Variants in ALK observed in about 807,000 individuals in gnomAD.
The protein encoded by ALK is ALK tyrosine kinase receptor.
Under a neutral mutation model 163.1 loss-of-function variants are expected in ALK, and 74 were observed. The observed-to-expected ratio is 0.45, with a 90% CI of 0.38 to 0.55. The LOEUF (loss-of-function observed/expected upper bound fraction) is 0.55, where lower values mean the gene tolerates loss of function less well. Ranked by LOEUF, ALK falls within the 20% of genes least tolerant of loss-of-function variation. ALK has a pLI of 0.00. For missense variants in ALK, 2,063 were observed against 2,105.3 expected, an observed-to-expected ratio of 0.98 and a Z score of 0.39; for synonymous variants, 960 against 843.2, an observed-to-expected ratio of 1.14 and a Z score of -2.40.
At chr2:29,553,519 C>A (rs1397391323) in intron 3 of ALK, among the ~76,000 whole-genome samples, 1 of 152,214 alleles carries the variant, frequency 6.6e-6, no homozygotes, top group Non-Finnish European at 1.5e-5. Context: ...CTGACATTTA[C>A]CTCCTAATAA....
At chr2:29,390,681 G>A (rs1324418447) in intron 4 of ALK, among the ~76,000 whole-genome samples, 3 of 151,866 alleles carry the variant, frequency 2.0e-5, no homozygotes. Context: ...TAGTAATTCT[G>A]TAGCAAATAT....
intron 1 of ALK, among the ~76,000 whole-genome samples, chr2:29,854,044 G>A (rs149612659): frequency 0.011 from 1,690 of 151,900 alleles, 10 homozygotes; most frequent in Middle Eastern, 0.024. Flanking sequence ...CGAGTAGCTG[G>A]GATTATGGGT....
At chr2:29,249,230 A>G (rs563888260) in intron 12 of ALK, among the ~76,000 whole-genome samples, 1 of 152,342 alleles carries the variant, frequency 6.6e-6, no homozygotes, top group Non-Finnish European at 1.5e-5. Flanking sequence ...GAGCAGGGGA[A>G]TTCTGGCCAA....
intron 1 of ALK, among the ~76,000 whole-genome samples, chr2:29,786,394 C>A (rs1664025102): frequency 6.6e-6 from 1 of 152,222 alleles, no homozygotes; most frequent in Non-Finnish European, 1.5e-5. Context: ...ATCAGGGATT[C>A]TTTTCAGAGG....
chr2:29,692,681 G>A (rs1475803824), intron 3 of ALK, among the ~76,000 whole-genome samples: 1 of 152,208 alleles, frequency 6.6e-6, no homozygotes, highest in East Asian at 1.9e-4. Context: ...CTCACCTCCA[G>A]CTATGCATCC....
intron 3 of ALK, among the ~76,000 whole-genome samples, chr2:29,618,510 C>T (rs1321012754): frequency 6.6e-6 from 1 of 151,830 alleles, no homozygotes; most frequent in Non-Finnish European, 1.5e-5. Flanking sequence ...CCTACTTGCC[C>T]TTATACTGGT....
At chr2:29,406,737 T>C (rs532108810) in intron 4 of ALK, among the ~76,000 whole-genome samples, 75 of 151,922 alleles carry the variant, frequency 4.9e-4, no homozygotes, top group African/African-American at 1.6e-3. Context: ...TCATCTCTAC[T>C]GAAAATACAA....
At chr2:29,752,713 T>C (rs1680406550) in intron 1 of ALK, among the ~76,000 whole-genome samples, 1 of 152,166 alleles carries the variant, frequency 6.6e-6, no homozygotes, top group Non-Finnish European at 1.5e-5. Context: ...CTCGAGGAGC[T>C]TCTATACCCT....
intron 3 of ALK, among the ~76,000 whole-genome samples, chr2:29,592,411 C>T (rs1007485121): frequency 1.3e-5 from 2 of 152,150 alleles, no homozygotes; most frequent in African/African-American, 2.4e-5. Flanking sequence ...CATGCTGGCT[C>T]AAGCAGGCTG....
At chr2:29,693,406 T>TACACACACACAC (rs58588313) in intron 3 of ALK, among the ~76,000 whole-genome samples, 2,097 of 145,228 alleles carry the variant, frequency 0.014, 24 homozygotes, top group Non-Finnish European at 0.022. Context: ...AGCACTCACC[T>TACACACACACAC]ACACACACAC....
In ALK at chr2:29,251,160, C is replaced by T. The variant is rs147858673; in HGVS notation, c.2149G>A (p.Glu717Lys). The T allele has an allele frequency of 1.5e-4, 236 of 1,614,100 alleles. No homozygotes were observed. Among genetic ancestry groups the T allele is most frequent in the Middle Eastern group, 3.3e-4 (2 of 6,062 alleles). The change falls in exon 12 of 29, where the codon GAG (glutamate) becomes AAG (lysine). Residue 717 changes from glutamate to lysine, a missense_variant. Physicochemically the swap from Glu to Lys is moderately conservative, Grantham distance 56. Around this residue, in one of 5 missense-constraint regions of ALK, gnomAD observed 987 missense variants for 939.5 expected, o/e 1.05. Coordinates refer to ENST00000389048, the MANE Select transcript of ALK (RefSeq NM_004304.5). ...ATCTGGATGCCTTTCAGGGGGCCCT[C>T]GCTCCCCACCTCCACGCTCAGGTTG... ...NSNLSVEVGS[E>K]GPLKGIQIWK...
intron 3 of ALK, among the ~76,000 whole-genome samples, chr2:29,537,275 G>A (rs1221638026): frequency 6.6e-6 from 1 of 152,206 alleles, no homozygotes; most frequent in Non-Finnish European, 1.5e-5. Context: ...AGGCTCAGAG[G>A]CCTAAGAGGC....
chr2:29,884,380 T>A (rs754350543), intron 1 of ALK, among the ~76,000 whole-genome samples: 1 of 152,110 alleles, frequency 6.6e-6, no homozygotes, highest in Non-Finnish European at 1.5e-5. Flanking sequence ...AAGAAAAAGA[T>A]GAATTGCTTG....
At chr2:29,633,584 G>C (rs1049116185) in intron 3 of ALK, among the ~76,000 whole-genome samples, 1 of 151,450 alleles carries the variant, frequency 6.6e-6, no homozygotes, top group Non-Finnish European at 1.5e-5. Flanking sequence ...AAAAATCAAT[G>C]AAATTGAAAA....
chr2:29,394,432 T>A (rs957175164), intron 4 of ALK, among the ~76,000 whole-genome samples: 4 of 152,136 alleles, frequency 2.6e-5, no homozygotes, highest in Non-Finnish European at 5.9e-5. Context: ...AAATTTTGGA[T>A]TAGGTCCCAT....
chr2:29,437,615 GA>G (rs1670434412), intron 4 of ALK, among the ~76,000 whole-genome samples: 4 of 152,106 alleles, frequency 2.6e-5, no homozygotes. Flanking sequence ...CTTCTCAATG[GA>G]GGTTTATTGA....
chr2:29,790,301 A>G (rs1182321039), intron 1 of ALK, among the ~76,000 whole-genome samples: 1 of 152,136 alleles, frequency 6.6e-6, no homozygotes, highest in Non-Finnish European at 1.5e-5. Context: ...TGCTCATGTT[A>G]AGACCAGATG....
intron 9 of ALK, among the ~76,000 whole-genome samples, chr2:29,296,387 G>C (rs374927743): frequency 7.8e-4 from 119 of 152,296 alleles, no homozygotes; most frequent in African/African-American, 2.8e-3. Flanking sequence ...CAACTTGCTG[G>C]CACTTCACCG....
At chr2:29,483,447 C>T (rs1447285309) in intron 4 of ALK, among the ~76,000 whole-genome samples, 1 of 152,130 alleles carries the variant, frequency 6.6e-6, no homozygotes, top group African/African-American at 2.4e-5. Flanking sequence ...GGCGGTATCT[C>T]CTGGGAGCTT....
Sources: allele counts gnomAD v4.1 joint callset (sites outside exome capture counted in the v4.1 genomes callset), GRCh38; gene constraint gnomAD v4.1.1; regional missense constraint gnomAD v4.1.1; transcripts MANE v1.5; gene names NCBI Gene and HGNC (gene_info 2026-07-23, HGNC 2026-07-21).